AFG2A: variants seen among roughly 807,000 people sequenced by gnomAD.
AFG2A encodes the protein AAA ATPase AFG2A, also known as ATPase family gene 2 protein homolog A.
the AFG2A span, among the ~76,000 whole-genome samples, chr4:122,937,390 T>C: frequency 6.6e-6 from 1 of 152,168 alleles, no homozygotes; most frequent in Admixed American, 6.5e-5. Context: ...GGTCTTGCTA[T>C]GTTGGCCAGG....
At chr4:123,305,041 G>C in the AFG2A span, among the ~76,000 whole-genome samples, 2 of 152,152 alleles carry the variant, frequency 1.3e-5, no homozygotes, top group South Asian at 4.1e-4. Flanking sequence ...GGTTAAACTA[G>C]GTGAATGAAT....
chr4:122,928,869 A>T, the AFG2A span, among the ~76,000 whole-genome samples: 35 of 152,256 alleles, frequency 2.3e-4, no homozygotes, highest in Admixed American at 7.2e-4. Flanking sequence ...TAAATTTTTT[A>T]AAAAATGCAA....
the AFG2A span, among the ~76,000 whole-genome samples, chr4:122,939,776 C>T: frequency 2.0e-5 from 3 of 152,108 alleles, no homozygotes; most frequent in African/African-American, 4.8e-5. Flanking sequence ...TGCTATCCCT[C>T]GCCCCTCCCC....
chr4:123,122,515 A>G, the AFG2A span, among the ~76,000 whole-genome samples: 9 of 152,186 alleles, frequency 5.9e-5, no homozygotes, highest in African/African-American at 1.2e-4. Context: ...TGGGTACTCA[A>G]AGTAAGGTTT....
chr4:123,091,389 C>G, the AFG2A span, among the ~76,000 whole-genome samples: 1 of 152,200 alleles, frequency 6.6e-6, no homozygotes, highest in Non-Finnish European at 1.5e-5. Flanking sequence ...TTTCATAACT[C>G]TTCAATATCT....
chr4:123,034,299 A>T, the AFG2A span, among the ~76,000 whole-genome samples: 1 of 152,108 alleles, frequency 6.6e-6, no homozygotes, highest in Non-Finnish European at 1.5e-5. Flanking sequence ...CTGATAAATG[A>T]CTATATATAC....
chr4:123,097,129 C>T, the AFG2A span, among the ~76,000 whole-genome samples: 1 of 151,940 alleles, frequency 6.6e-6, no homozygotes, highest in Non-Finnish European at 1.5e-5. Flanking sequence ...ACCACAGCAT[C>T]CAGCTTAAAA....
At chr4:123,241,154 C>G in the AFG2A span, among the ~76,000 whole-genome samples, 1 of 151,922 alleles carries the variant, frequency 6.6e-6, no homozygotes, top group Middle Eastern at 3.4e-3. Flanking sequence ...GCCTACCAAC[C>G]AAAAAAGTCC....
At chr4:122,923,219 C>G in the AFG2A span, 12 of 1,614,124 alleles carry the variant, frequency 7.4e-6, no homozygotes, top group Non-Finnish European at 9.3e-6. Context: ...GCTGCTTCCT[C>G]TTGTGCGGAG....
the AFG2A span, among the ~76,000 whole-genome samples, chr4:123,076,400 T>G: frequency 6.6e-6 from 1 of 152,298 alleles, no homozygotes; most frequent in African/African-American, 2.4e-5. Context: ...CTGCTTATAA[T>G]AAAGCTTAGA....
the AFG2A span, among the ~76,000 whole-genome samples, chr4:123,069,109 C>T: frequency 2.1e-4 from 32 of 152,230 alleles, no homozygotes; most frequent in Middle Eastern, 3.4e-3. Context: ...GATAGATATT[C>T]TTTTTAATAT....
chr4:123,127,426 T>C, the AFG2A span, among the ~76,000 whole-genome samples: 3 of 152,206 alleles, frequency 2.0e-5, no homozygotes, highest in African/African-American at 7.2e-5. Flanking sequence ...TAAAATTTTC[T>C]CTGTGTTTTT....
the AFG2A span, among the ~76,000 whole-genome samples, chr4:123,245,885 A>C: frequency 6.6e-6 from 1 of 152,218 alleles, no homozygotes; most frequent in African/African-American, 2.4e-5. Context: ...ACCTAATCCT[A>C]TGCCTGACAC....
chr4:123,098,964 A>G, the AFG2A span, among the ~76,000 whole-genome samples: 1 of 151,984 alleles, frequency 6.6e-6, no homozygotes, highest in Non-Finnish European at 1.5e-5. Flanking sequence ...TATCTGAAGT[A>G]ATTTATGTTC....
chr4:123,067,498 C>T, the AFG2A span, among the ~76,000 whole-genome samples: 5 of 151,526 alleles, frequency 3.3e-5, no homozygotes, highest in South Asian at 2.1e-4. Context: ...GCCTGGGCAA[C>T]GGGGCGAGAC....
chr4:122,978,002 G>A, the AFG2A span, among the ~76,000 whole-genome samples: 1 of 152,158 alleles, frequency 6.6e-6, no homozygotes, highest in Non-Finnish European at 1.5e-5. Context: ...GCTGTCAGTG[G>A]AGAGGAGACC....
At chr4:122,961,895 T>C in the AFG2A span, among the ~76,000 whole-genome samples, 2 of 152,242 alleles carry the variant, frequency 1.3e-5, no homozygotes, top group Admixed American at 6.5e-5. Flanking sequence ...ACAAGTTAAA[T>C]TGATGTATAT....
the AFG2A span, among the ~76,000 whole-genome samples, chr4:123,017,972 A>G: frequency 1.3e-5 from 2 of 152,192 alleles, no homozygotes; most frequent in African/African-American, 4.8e-5. Context: ...TAATGTCTGT[A>G]GCTCAGTTCA....
At chr4:122,923,089 A>T in the AFG2A span, 1 of 1,607,622 alleles carries the variant, frequency 6.2e-7, no homozygotes, top group Non-Finnish European at 8.5e-7. Context: ...TCTCAGTTGA[A>T]GCGCGCACAT....
Sources: allele counts gnomAD v4.1 joint callset (sites outside exome capture counted in the v4.1 genomes callset), GRCh38; gene constraint gnomAD v4.1.1; transcripts MANE v1.5; gene names NCBI Gene and HGNC (gene_info 2026-07-23, HGNC 2026-07-21).